Variants in CTNND2 observed in about 807,000 individuals in gnomAD.
CTNND2 encodes catenin delta 2.
CTNND2 carries 22 observed loss-of-function variants against 144.4 expected under a neutral mutation model. The observed-to-expected ratio is 0.15, with a 90% confidence interval of 0.11 to 0.22. The LOEUF is 0.22. Among genes scored for constraint, CTNND2 ranks in the 10% least tolerant of loss-of-function variants. CTNND2 has a pLI of 1.00. For synonymous variants in CTNND2, 751 were observed against 695.6 expected, an observed-to-expected ratio of 1.08 and a Z score of -1.25; for missense variants, 1,353 against 1,618.8, an observed-to-expected ratio of 0.84 and a Z score of 2.82.
At chr5:11,268,818 A>T (rs1306106936) in intron 9 of CTNND2, among the ~76,000 whole-genome samples, 1 of 151,876 alleles carries the variant, frequency 6.6e-6, no homozygotes, top group Non-Finnish European at 1.5e-5. Context: ...ATTACGGGTA[A>T]TTTTTTTTCT....
intron 17 of CTNND2, among the ~76,000 whole-genome samples, chr5:11,022,533 G>A (rs1346241957): frequency 1.3e-5 from 2 of 152,172 alleles, no homozygotes. Context: ...CATGTATCCA[G>A]GTTGAACTCG....
intron 1 of CTNND2, among the ~76,000 whole-genome samples, chr5:11,758,986 A>AT (rs1434149651): frequency 6.6e-6 from 1 of 152,086 alleles, no homozygotes; most frequent in African/African-American, 2.4e-5. Flanking sequence ...TCAGTCAATT[A>AT]TAAGTGCTCA....
intron 2 of CTNND2, among the ~76,000 whole-genome samples, chr5:11,625,486 T>C (rs1399626156): frequency 6.6e-6 from 1 of 151,620 alleles, no homozygotes; most frequent in Non-Finnish European, 1.5e-5. Flanking sequence ...GGTCATAGAC[T>C]GAAGTGTAGG....
intron 3 of CTNND2, among the ~76,000 whole-genome samples, chr5:11,515,239 T>A (rs1772056330): frequency 6.6e-6 from 1 of 152,040 alleles, no homozygotes; most frequent in Non-Finnish European, 1.5e-5. Context: ...TCCTCAAATA[T>A]CAGTCCATTC....
intron 2 of CTNND2, among the ~76,000 whole-genome samples, chr5:11,644,595 ACC>A (rs1352047610): frequency 6.6e-6 from 1 of 151,198 alleles, no homozygotes; most frequent in Non-Finnish European, 1.5e-5. Context: ...AATGGTGTGA[ACC>A]TGGGAGCCGG....
intron 2 of CTNND2, among the ~76,000 whole-genome samples, chr5:11,710,831 C>G (rs1303788797): frequency 6.6e-6 from 1 of 152,180 alleles, no homozygotes; most frequent in African/African-American, 2.4e-5. Context: ...CTATGTGCAT[C>G]AAAGCTTTTG....
intron 10 of CTNND2, among the ~76,000 whole-genome samples, chr5:11,212,690 C>A (rs1363144869): frequency 6.6e-6 from 1 of 152,226 alleles, no homozygotes; most frequent in Non-Finnish European, 1.5e-5. Flanking sequence ...GGTCAACAGG[C>A]CCTGATTCCT....
Position 11,017,921 on chromosome 5 carries a change from C to T in CTNND2, c.3084+53G>A, listed in dbSNP as rs1741799843. 9 of 1,426,872 alleles carry T rather than the reference C, an allele frequency of 6.3e-6. No homozygotes were observed. In the South Asian group the frequency reaches 9.2e-5, roughly 15 times the overall value. The allele number at this position is 1,426,872 out of a possible 1,614,324, so 88.4% of individuals were successfully genotyped here. On this transcript the variant is annotated intron_variant, in intron 18 of 21. Coordinates refer to ENST00000304623, the MANE Select transcript of CTNND2 (RefSeq NM_001332.4). ...TGCCCTCCACGTCTGTGACGCCTCT[C>T]AGGGTCCCGTGTTGAGTGTTTGGAC...
intron 1 of CTNND2, among the ~76,000 whole-genome samples, chr5:11,869,359 T>C (rs183976381): frequency 1.3e-5 from 2 of 152,374 alleles, no homozygotes; most frequent in African/African-American, 4.8e-5. Context: ...AAACAACATG[T>C]GGTTTATTCA....
chr5:11,289,815 TCA>T (rs780894897), intron 9 of CTNND2, among the ~76,000 whole-genome samples: 3 of 152,196 alleles, frequency 2.0e-5, no homozygotes, highest in Admixed American at 6.5e-5. Flanking sequence ...CTCCAGTTCC[TCA>T]CTATTAACCA....
chr5:11,703,668 C>T (rs913841005), intron 2 of CTNND2, among the ~76,000 whole-genome samples: 12 of 152,180 alleles, frequency 7.9e-5, no homozygotes, highest in African/African-American at 1.9e-4. Context: ...AGGGAGTAGA[C>T]AATTTCACAG....
chr5:11,792,184 C>G (rs927216698), intron 1 of CTNND2, among the ~76,000 whole-genome samples: 1 of 152,070 alleles, frequency 6.6e-6, no homozygotes, highest in Non-Finnish European at 1.5e-5. Flanking sequence ...AAACCCAATG[C>G]TCTAATTACA....
At chr5:11,028,653 C>T (rs1447864684) in intron 16 of CTNND2, among the ~76,000 whole-genome samples, 3 of 152,188 alleles carry the variant, frequency 2.0e-5, no homozygotes, top group Admixed American at 6.5e-5. Context: ...GATTATTTCA[C>T]TTAGCATAAT....
chr5:11,303,600 A>C lies in CTNND2; in HGVS notation c.1628+42772T>G, dbSNP rs578096584. Among the ~76,000 whole-genome samples the C allele has an allele frequency of 5.3e-5, 8 of 152,338 alleles. No individual in the cohort carries two copies. The South Asian group carries it at 1.7e-3, about 32-fold the overall frequency. ...GGCCATCAGTATTTATCTGCTGACC[A>C]TAATGACCTGATCACTATTCCTTCT... On this transcript the variant is annotated intron_variant, in intron 9 of 21. Transcript: ENST00000304623.
chr5:11,326,454 G>C (rs1266673748), intron 9 of CTNND2, among the ~76,000 whole-genome samples: 2 of 152,126 alleles, frequency 1.3e-5, no homozygotes, highest in Admixed American at 1.3e-4. Context: ...TGAGTGTCTT[G>C]AAACTGATTG....
chr5:11,534,798 G>T (rs975546872), intron 3 of CTNND2, among the ~76,000 whole-genome samples: 5 of 152,160 alleles, frequency 3.3e-5, no homozygotes, highest in African/African-American at 1.2e-4. Context: ...TAAGAAATAT[G>T]TAAGTTAGTT....
intron 14 of CTNND2, among the ~76,000 whole-genome samples, chr5:11,102,208 T>C (rs983050759): frequency 6.6e-6 from 1 of 152,220 alleles, no homozygotes; most frequent in Non-Finnish European, 1.5e-5. Flanking sequence ...TAGTATCCCT[T>C]GAGTCTTACA....
chr5:11,151,050 G>A (rs574481427), intron 12 of CTNND2, among the ~76,000 whole-genome samples: 2 of 152,208 alleles, frequency 1.3e-5, no homozygotes, highest in Non-Finnish European at 2.9e-5. Flanking sequence ...ATGGCCCCAC[G>A]TGGACTCTGC....
chr5:11,360,388 C>T (rs1756327279), intron 8 of CTNND2, among the ~76,000 whole-genome samples: 2 of 152,138 alleles, frequency 1.3e-5, no homozygotes, highest in Non-Finnish European at 2.9e-5. Context: ...TGGTCTCTTA[C>T]TCATGTTAGC....
Sources: allele counts gnomAD v4.1 joint callset (sites outside exome capture counted in the v4.1 genomes callset), GRCh38; gene constraint gnomAD v4.1.1; transcripts MANE v1.5; gene names NCBI Gene and HGNC (gene_info 2026-07-23, HGNC 2026-07-21).